Variants in ESRRG observed in about 807,000 individuals in gnomAD.
ESRRG encodes estrogen related receptor gamma.
Under a neutral mutation model 44.0 loss-of-function variants are expected in ESRRG, and 13 were observed. That is an observed-to-expected ratio of 0.30 (90% CI 0.19 to 0.47). ESRRG has a LOEUF of 0.47. ESRRG is among the 20% of genes least tolerant of loss of function. ESRRG has a pLI of 1.00. For synonymous variants in ESRRG, 215 were observed against 214.6 expected (o/e 1.00, Z -0.02); for missense variants, 395 against 580.6 (o/e 0.68, Z 3.29).
intron 1 of ESRRG, among the ~76,000 whole-genome samples, chr1:216,711,724 G>T (rs1362375502): frequency 1.3e-5 from 2 of 152,168 alleles, no homozygotes; most frequent in Non-Finnish European, 2.9e-5. Context: ...GAGAAAAAAA[G>T]TTGCTAAAAA....
chr1:216,723,187 G>T, intron 1 of ESRRG, 57 bp downstream of exon 1: 2 of 1,412,864 alleles, frequency 1.4e-6, no homozygotes, highest in Non-Finnish European at 1.0e-6. Flanking sequence ...TAGTCTGTCC[G>T]CCCCCACCCC....
At chr1:216,761,458 G>A (rs2092768618) in intron 2 of ESRRG, among the ~76,000 whole-genome samples, 1 of 152,054 alleles carries the variant, frequency 6.6e-6, no homozygotes, top group African/African-American at 2.4e-5. Context: ...TATTTGGTGA[G>A]TGCATAAATG....
intron 3 of ESRRG, among the ~76,000 whole-genome samples, chr1:216,613,795 G>C (rs1403057467): frequency 6.6e-6 from 1 of 152,130 alleles, no homozygotes; most frequent in Non-Finnish European, 1.5e-5. Context: ...ACTAACAATG[G>C]AAAATATATT....
intron 1 of ESRRG, among the ~76,000 whole-genome samples, chr1:216,941,061 G>A (rs889920562): frequency 2.0e-5 from 3 of 152,134 alleles, no homozygotes; most frequent in Non-Finnish European, 4.4e-5. Flanking sequence ...CTAGGATGGT[G>A]TTTCAAACAC....
intron 1 of ESRRG, among the ~76,000 whole-genome samples, chr1:217,051,204 C>CGGG (rs1164233806): frequency 0.022 from 739 of 33,424 alleles, 29 homozygotes; most frequent in East Asian, 0.039. Flanking sequence ...ATAATGGGGG[C>CGGG]GGGGGGGGGG....
intron 2 of ESRRG, among the ~76,000 whole-genome samples, chr1:216,843,141 CT>C (rs5780933): frequency 8.0e-5 from 12 of 149,772 alleles, no homozygotes; most frequent in South Asian, 2.1e-4. Flanking sequence ...GAGAGATAGT[CT>C]TTTTTTTTTC....
At chr1:216,554,352 G>A (rs1412771497) in intron 5 of ESRRG, among the ~76,000 whole-genome samples, 1 of 151,962 alleles carries the variant, frequency 6.6e-6, no homozygotes, top group Non-Finnish European at 1.5e-5. Context: ...TACTCTGCAG[G>A]CTGAGGCAGG....
intron 1 of ESRRG, among the ~76,000 whole-genome samples, chr1:217,072,162 A>G (rs184844860): frequency 2.8e-4 from 42 of 152,342 alleles, no homozygotes; most frequent in African/African-American, 9.4e-4. Flanking sequence ...CTCAGAGTCC[A>G]GTGCTCATCT....
intron 2 of ESRRG, chr1:216,863,372 T>G (rs1421335394): frequency 6.6e-6 from 1 of 152,218 alleles, no homozygotes; most frequent in Non-Finnish European, 1.5e-5. Context: ...AGAATTCAAG[T>G]GAATAAAATT....
intron 5 of ESRRG, among the ~76,000 whole-genome samples, chr1:216,552,477 A>G (rs1476224245): frequency 6.6e-6 from 1 of 152,174 alleles, no homozygotes; most frequent in Non-Finnish European, 1.5e-5. Flanking sequence ...AAAGGCATTT[A>G]ACGTTTGTTG....
chr1:216,531,821 C>A (rs534428968), intron 5 of ESRRG, among the ~76,000 whole-genome samples: 1 of 152,124 alleles, frequency 6.6e-6, no homozygotes, highest in Admixed American at 6.6e-5. Context: ...ACAAGAGCAC[C>A]CACAGCAGTC....
intron 2 of ESRRG, among the ~76,000 whole-genome samples, chr1:216,793,743 G>T (rs998251676): frequency 1.3e-5 from 2 of 152,098 alleles, no homozygotes; most frequent in Admixed American, 1.3e-4. Flanking sequence ...AAAGCAAAAG[G>T]TACTATAGGT....
intron 3 of ESRRG, among the ~76,000 whole-genome samples, chr1:216,592,072 A>G (rs2057756179): frequency 6.6e-6 from 1 of 152,222 alleles, no homozygotes; most frequent in South Asian, 2.1e-4. Flanking sequence ...CTTCTGTGAT[A>G]TTCCTGCCAA....
Position 216,815,925 on chromosome 1 carries a change from A to AAC in ESRRG, c.-14+123655_-14+123656dup, listed in dbSNP as rs142677886. Among the ~76,000 whole-genome samples the AAC allele has an allele frequency of 2.0e-3, 307 of 151,494 alleles. 4 individuals are homozygous for AAC. Among genetic ancestry groups the AAC allele is most frequent in the Non-Finnish European group, 2.5e-3 (171 of 67,754 alleles). On this transcript the variant is annotated intron_variant, in intron 2 of 7. Coordinates refer to the ESRRG transcript ENST00000359162. ...TCACTTGTTTTTCTGCATATTGGGG[A>AAC]ACACACACACACACAGGAAGTGGCT...
chr1:216,518,253 G>A (rs2045000500), intron 6 of ESRRG, among the ~76,000 whole-genome samples: 1 of 152,004 alleles, frequency 6.6e-6, no homozygotes, highest in Admixed American at 6.6e-5. Flanking sequence ...ACAAATAGCC[G>A]TCCGCCCATT....
chr1:216,717,821 T>C (rs1027225231), intron 1 of ESRRG, among the ~76,000 whole-genome samples: 1 of 151,840 alleles, frequency 6.6e-6, no homozygotes, highest in African/African-American at 2.4e-5. Flanking sequence ...GTTTATGTAG[T>C]ACAGATAAAG....
chr1:216,964,816 A>T (rs2069905630), intron 1 of ESRRG, among the ~76,000 whole-genome samples: 1 of 152,242 alleles, frequency 6.6e-6, no homozygotes, highest in African/African-American at 2.4e-5. Flanking sequence ...GGAAGATATA[A>T]CGTTATTTTA....
intron 2 of ESRRG, among the ~76,000 whole-genome samples, chr1:216,825,715 G>T (rs554459020): frequency 4.0e-4 from 61 of 152,276 alleles, no homozygotes; most frequent in African/African-American, 1.3e-3. Flanking sequence ...AGTTGAGATT[G>T]CTTATGCTCT....
intron 1 of ESRRG, among the ~76,000 whole-genome samples, chr1:217,028,109 G>A (rs115823002): frequency 3.7e-3 from 563 of 151,988 alleles, no homozygotes; most frequent in Non-Finnish European, 5.9e-3. Context: ...TTCTATACAC[G>A]CCCCCACCCC....
Sources: allele counts gnomAD v4.1 joint callset (sites outside exome capture counted in the v4.1 genomes callset), GRCh38; gene constraint gnomAD v4.1.1; transcripts MANE v1.5; gene names NCBI Gene and HGNC (gene_info 2026-07-23, HGNC 2026-07-21).